Variants in ASB13 observed in about 807,000 individuals in gnomAD.
ASB13 encodes the protein ankyrin repeat and SOCS box protein 13.
Under a neutral mutation model 28.8 loss-of-function variants are expected in ASB13, and 33 were observed. The observed-to-expected ratio is 1.15, with a 90% CI of 0.87 to 1.53. The LOEUF (loss-of-function observed/expected upper bound fraction) is 1.53, where lower values mean the gene tolerates loss of function less well. ASB13 is among the 40% of genes most tolerant of loss of function. ASB13 has a pLI of 0.00. For missense variants in ASB13, 414 were observed against 390.1 expected (o/e 1.06, Z -0.52); for synonymous variants, 182 against 172.9 (o/e 1.05, Z -0.41).
At chr10:5,648,195 C>A (rs1834917007) in intron 4 of ASB13, among the ~76,000 whole-genome samples, 1 of 151,476 alleles carries the variant, frequency 6.6e-6, no homozygotes, top group Non-Finnish European at 1.5e-5. Context: ...AGGTAAACAC[C>A]CACGCAGGCA....
rs1234566511 is a variant in ASB13 at position 5,658,080 on chromosome 10, C to T, written c.44-5030G>A. Among the ~76,000 whole-genome samples, 1 of 152,164 alleles carries T rather than the reference C, an allele frequency of 6.6e-6. No individual in the cohort carries two copies. Among genetic ancestry groups the T allele is most frequent in the East Asian group, 1.9e-4 (1 of 5,206 alleles). On this transcript the variant is annotated intron_variant, in intron 1 of 5. Coordinates refer to ENST00000357700, the MANE Select transcript of ASB13 (RefSeq NM_024701.4). This position sits in a 1 kb window ranked among gnomAD's most constrained non-coding sequence, Gnocchi z 4.2. ...GGCTGAGGCACGAGAATCGCATGAA[C>T]CCAGGAGACAGAGGTTGCAGTGAAC...
Position 5,651,313 on chromosome 10 carries a change from G to A in ASB13, c.282C>T (p.Ala94=), listed in dbSNP as rs1834980574. 1 of 1,613,822 alleles carries A rather than the reference G, an allele frequency of 6.2e-7. No individual in the cohort carries two copies. The highest frequency in any genetic ancestry group is 1.7e-5 in the Admixed American group (1 of 59,984). The change falls in exon 3 of 6, where the codon GCC becomes GCT. Residue 94 remains alanine, a synonymous_variant. Coordinates refer to ENST00000357700, the MANE Select transcript of ASB13 (RefSeq NM_024701.4). The surrounding 1 kb of genome is among the most constrained non-coding windows in gnomAD (Gnocchi z 5.1). The part of the protein sequence containing the change: ...DGSTPLCDAC[A]SGSIECVKLL... ...GCTTCACACACTCGATGCTGCCCGA[G>A]GCGCAGGCATCGCAGAGCGGGGTGC...
At position 5,640,582 on chromosome 10, in the gene ASB13, G is replaced by C. The variant is rs1834792250; in HGVS notation, c.*121C>G. On this transcript the variant is annotated 3_prime_UTR_variant, in exon 6 of 6. Transcript: ENST00000357700. ...AAGCCTAAACAGGATCGCAGGAAGG[G>C]ACTCGAAGGAGCGTTGTTCTATCTA... is the stretch of plus-strand genomic sequence containing the variant. 8.6e-6 allele frequency: 11 copies of C among 1,274,348 alleles called. No individual in the cohort carries two copies. The highest frequency in any genetic ancestry group is 1.2e-5 in the Non-Finnish European group (11 of 905,966). 78.9% of individuals were successfully genotyped at this position (1,274,348 alleles called of 1,614,324 possible). A position where few individuals can be genotyped will look rare whatever the true frequency, so the allele number is the denominator to read the frequency against.
rs767138462 is a variant in ASB13 at position 5,651,332 on chromosome 10, G to A, written c.263C>T (p.Pro88Leu). Residue 88 changes from proline (P) to leucine (L), a missense_variant, in exon 3 of 6, where the codon CCG (proline) becomes CTG (leucine). Physicochemically the swap from Pro to Leu is moderately conservative, Grantham distance 98. Transcript: ENST00000357700. This position sits in a 1 kb window ranked among gnomAD's most constrained non-coding sequence, Gnocchi z 5.1. ...GCCCGAGGCGCAGGCATCGCAGAGC[G>A]GGGTGCTGCCGTCGATGTTGCGAGC... ...VDARNIDGST[P>L]LCDACASGSI... 1.8e-5 allele frequency: 29 copies of A among 1,612,846 alleles called. No homozygotes were observed. The highest frequency in any genetic ancestry group is 1.5e-4 in the Admixed American group (9 of 59,760).
intron 1 of ASB13, among the ~76,000 whole-genome samples, chr10:5,665,806 T>C (rs1275442436): frequency 6.6e-6 from 1 of 152,210 alleles, no homozygotes; most frequent in African/African-American, 2.4e-5. Context: ...AGATTTTTTT[T>C]TTCTTTTTAG....
At position 5,658,719 on chromosome 10, in the gene ASB13, A is replaced by G. The variant is rs1287715521; in HGVS notation, c.44-5669T>C. On this transcript the variant is annotated intron_variant, in intron 1 of 5. Transcript: ENST00000357700. This position sits in a 1 kb window ranked among gnomAD's most constrained non-coding sequence, Gnocchi z 4.2. ...GTAACTTTTGTGTTCTGTGCTCTCT[A>G]CTACAATTAAAAATAGAAAAAAAAA... is the stretch of plus-strand genomic sequence containing the variant. 6.6e-6 allele frequency among the ~76,000 whole-genome samples: 1 copy of G among 152,120 alleles called. No homozygotes were observed. The highest frequency in any genetic ancestry group is 1.5e-5 in the Non-Finnish European group (1 of 68,036).
chr10:5,643,016 G>A (rs1020025739), intron 4 of ASB13, among the ~76,000 whole-genome samples: 1 of 152,158 alleles, frequency 6.6e-6, no homozygotes, highest in Non-Finnish European at 1.5e-5. Flanking sequence ...ATCCCCCAGG[G>A]CTTCAGAATT....
chr10:5,645,438 TCAC>T lies in ASB13; in HGVS notation c.518-3480_518-3478del, dbSNP rs1324289520. On this transcript the variant is annotated intron_variant, in intron 4 of 5. Transcript: ENST00000357700. The surrounding 1 kb of genome is among the most constrained non-coding windows in gnomAD (Gnocchi z 5.4). ...GTCAGTGATCAGATTAAAAATTACT[TCAC>T]CATCATAACCGGACTTTCACCCTCC... Among the ~76,000 whole-genome samples the T allele has an allele frequency of 6.6e-6, 1 of 152,126 alleles. No individual in the cohort carries two copies. Among genetic ancestry groups the T allele is most frequent in the Non-Finnish European group, 1.5e-5 (1 of 68,022 alleles).
Position 5,645,311 on chromosome 10 carries a change from T to A in ASB13, c.518-3350A>T, listed in dbSNP as rs559855999. 1.3e-4 allele frequency among the ~76,000 whole-genome samples: 20 copies of A among 152,078 alleles called. No individual in the cohort carries two copies. Among genetic ancestry groups the A allele is most frequent in the East Asian group, 5.8e-4 (3 of 5,176 alleles). ...AAATTAAACAACAATTTTAAAAAAA[T>A]TTTTTAAATTGTGCCAGGGCCAGTG... On this transcript the variant is annotated intron_variant, in intron 4 of 5. Transcript: ENST00000357700. The surrounding 1 kb of genome is among the most constrained non-coding windows in gnomAD (Gnocchi z 5.4).
At chr10:5,648,706 C>A (rs1227366243) in intron 4 of ASB13, among the ~76,000 whole-genome samples, 1 of 150,958 alleles carries the variant, frequency 6.6e-6, no homozygotes, top group African/African-American at 2.4e-5. Context: ...GGGCAAACAC[C>A]CCCGGGGGTA....
At position 5,655,980 on chromosome 10, in the gene ASB13, G is replaced by C. The variant is rs1173190668; in HGVS notation, c.44-2930C>G. ...CAGCAATAGGCAGCTCACAGTCAGG[G>C]ACCAGGGAATAAATGCGCAGATAAT... On this transcript the variant is annotated intron_variant, in intron 1 of 5. Coordinates refer to ENST00000357700, the MANE Select transcript of ASB13 (RefSeq NM_024701.4). This position sits in a 1 kb window ranked among gnomAD's most constrained non-coding sequence, Gnocchi z 6.2. Among the ~76,000 whole-genome samples the C allele has an allele frequency of 6.6e-6, 1 of 152,206 alleles. No individual in the cohort carries two copies.
At position 5,663,597 on chromosome 10, in the gene ASB13, C is replaced by A. The variant is rs534298940; in HGVS notation, c.43+2912G>T. On this transcript the variant is annotated intron_variant, in intron 1 of 5. Coordinates refer to ENST00000357700, the MANE Select transcript of ASB13 (RefSeq NM_024701.4). This position sits in a 1 kb window ranked among gnomAD's most constrained non-coding sequence, Gnocchi z 4.9. ...AAGGGACCTGAGGGACGCTTTTCAC[C>A]CTAAATCACCTAAGCCTCAGTTTCC... Among the ~76,000 whole-genome samples, 1 of 152,278 alleles carries A rather than the reference C, an allele frequency of 6.6e-6. No individual in the cohort carries two copies. The highest frequency in any genetic ancestry group is 2.1e-4 in the South Asian group (1 of 4,826).
At position 5,666,477 on chromosome 10, in the gene ASB13, C is replaced by A. The variant is rs555620563; in HGVS notation, c.43+32G>T. 3.9e-6 allele frequency: 5 copies of A among 1,292,846 alleles called. No individual in the cohort carries two copies. In the East Asian group the frequency reaches 1.3e-4, roughly 35 times the overall value. 80.1% of individuals were successfully genotyped at this position (1,292,846 alleles called of 1,614,324 possible). On this transcript the variant is annotated intron_variant, in intron 1 of 5. Transcript: ENST00000357700. ...CGGCCTCAGGAGCCGGCGCCGCTGC[C>A]TCGCTCTGACCTCCGCGGCGCCCGC...
Position 5,640,761 on chromosome 10 carries a change from T to C in ASB13, c.779A>G (p.Glu260Gly), listed in dbSNP as rs1052668103. The C allele has an allele frequency of 3.7e-6, 6 of 1,614,080 alleles. No individual in the cohort carries two copies. Among genetic ancestry groups the C allele is most frequent in the African/African-American group, 2.7e-5 (2 of 74,990 alleles). ...CGGGATGTTTAACTTGGCAATCTTCTCCAGCCCTCGGACGCCAGTGGCCTT... is the reference window on the plus strand; with the variant it reads ...CGGGATGTTTAACTTGGCAATCTTCCCCAGCCCTCGGACGCCAGTGGCCTT... Reference protein sequence around the residue: ...LRKATGVRGLEKIAKLNIPPR... With the variant: ...LRKATGVRGLGKIAKLNIPPR... Residue 260 changes from glutamate (E) to glycine (G), a missense_variant, in exon 6 of 6, where the codon GAG (glutamate) becomes GGG (glycine). Coordinates refer to ENST00000357700, the MANE Select transcript of ASB13 (RefSeq NM_024701.4).
Position 5,642,625 on chromosome 10 carries a change from A to T in ASB13, c.518-664T>A. 1.5e-6 allele frequency: 1 copy of T among 676,830 alleles called. No homozygotes were observed. Among genetic ancestry groups the T allele is most frequent in the South Asian group, 1.7e-5 (1 of 57,484 alleles). The allele number at this position is 676,830 out of a possible 1,614,324, so 41.9% of individuals were successfully genotyped here. A position where few individuals can be genotyped will look rare whatever the true frequency, so the allele number is the denominator to read the frequency against. On this transcript the variant is annotated intron_variant, in intron 4 of 5. Coordinates refer to ENST00000357700, the MANE Select transcript of ASB13 (RefSeq NM_024701.4). This position sits in a 1 kb window ranked among gnomAD's most constrained non-coding sequence, Gnocchi z 4.1. ...GCAGACATTCAGAAAGATGCAAGGA[A>T]TTAGTAGCTAAATATGGCTGGTTTT...
At chr10:5,647,506 G>A (rs1391167347) in intron 4 of ASB13, among the ~76,000 whole-genome samples, 7 of 152,050 alleles carry the variant, frequency 4.6e-5, no homozygotes, top group Non-Finnish European at 1.0e-4. Flanking sequence ...ACCCGACAAT[G>A]GCCTGGATTC....
Position 5,651,328 on chromosome 10 carries a change from G to T in ASB13, c.267C>A (p.Leu89=). 6.2e-7 allele frequency: 1 copy of T among 1,613,376 alleles called. No homozygotes were observed. The highest frequency in any genetic ancestry group is 1.1e-5 in the South Asian group (1 of 90,986). The change falls in exon 3 of 6, where the codon CTC becomes CTA. Residue 89 remains leucine (L), a synonymous_variant. Transcript: ENST00000357700. This position sits in a 1 kb window ranked among gnomAD's most constrained non-coding sequence, Gnocchi z 5.1. ...TGCTGCCCGAGGCGCAGGCATCGCA[G>T]AGCGGGGTGCTGCCGTCGATGTTGC... The part of the protein sequence containing the change: ...DARNIDGSTP[L]CDACASGSIE...
rs1178813434 is a variant in ASB13 at position 5,659,349 on chromosome 10, A to G, written c.44-6299T>C. 6.6e-6 allele frequency among the ~76,000 whole-genome samples: 1 copy of G among 152,194 alleles called. No individual in the cohort carries two copies. The highest frequency in any genetic ancestry group is 2.4e-5 in the African/African-American group (1 of 41,450). On this transcript the variant is annotated intron_variant, in intron 1 of 5. Transcript: ENST00000357700. This position sits in a 1 kb window ranked among gnomAD's most constrained non-coding sequence, Gnocchi z 5.8. ...CCCTAATGCAGATGATTGACAAGCC[A>G]GTCTGACAGGGCCTGCTCACAAGGG...
chr10:5,662,556 G>A (rs201213574), intron 1 of ASB13, among the ~76,000 whole-genome samples: 40 of 89,188 alleles, frequency 4.5e-4, no homozygotes, highest in Non-Finnish European at 7.2e-4. Context: ...GAGGGGAGGG[G>A]AGGGGAGGGG....
Sources: allele counts gnomAD v4.1 joint callset (sites outside exome capture counted in the v4.1 genomes callset), GRCh38; gene constraint gnomAD v4.1.1; non-coding constraint Gnocchi (gnomAD v3.1); transcripts MANE v1.5; gene names NCBI Gene and HGNC (gene_info 2026-07-23, HGNC 2026-07-21).